MYO1E: variants seen among roughly 807,000 people sequenced by gnomAD.
MYO1E encodes the protein unconventional myosin-Ie.
A neutral mutation model predicts 151.1 loss-of-function variants in MYO1E; 68 were observed. That is an observed-to-expected ratio of 0.45 (90% CI 0.37 to 0.55). MYO1E has a LOEUF of 0.55. Among genes scored for constraint, MYO1E ranks in the 20% least tolerant of loss-of-function variants. The probability of loss-of-function intolerance (pLI) is 0.00; values close to 1 mark genes in which losing one functional copy is unlikely to be tolerated. For synonymous variants in MYO1E, 601 were observed against 501.7 expected (o/e 1.20, Z -2.64); for missense variants, 1,363 against 1,389.3 (o/e 0.98, Z 0.30).
intron 1 of MYO1E, among the ~76,000 whole-genome samples, chr15:59,312,955 C>T (rs1028333941): frequency 2.0e-4 from 31 of 152,106 alleles, no homozygotes; most frequent in Admixed American, 2.0e-4. Flanking sequence ...GCAGGAGAGT[C>T]GCTTGAACCC....
chr15:59,340,800 G>A (rs145602555), intron 1 of MYO1E, among the ~76,000 whole-genome samples: 1 of 151,848 alleles, frequency 6.6e-6, no homozygotes, highest in Non-Finnish European at 1.5e-5. Context: ...GAGGCGGGAG[G>A]ATCACGAGGT....
chr15:59,277,540 TC>T (rs796453184), intron 1 of MYO1E, among the ~76,000 whole-genome samples: 4 of 19,826 alleles, frequency 2.0e-4, no homozygotes, highest in African/African-American at 5.4e-4. Flanking sequence ...CAAGACTCCA[TC>T]CCCCCACAAA....
chr15:59,272,568 A>G lies in MYO1E; in HGVS notation c.4-119T>C. ...TAAAATGTAGCAGAAAGAGCAGTGC[A>G]GAGAAAGATTCTGCAATCAATAAGA... On this transcript the variant is annotated intron_variant, in intron 1 of 27. Transcript: ENST00000288235. 3 of 1,119,506 alleles carry G rather than the reference A, an allele frequency of 2.7e-6. 1 individual carries two copies. Among genetic ancestry groups the G allele is most frequent in the East Asian group, 5.1e-5 (2 of 39,120 alleles). The allele number at this position is 1,119,506 out of a possible 1,614,324, so 69.3% of individuals were successfully genotyped here. A position where few individuals can be genotyped will look rare whatever the true frequency, so the allele number is the denominator to read the frequency against.
intron 19 of MYO1E, among the ~76,000 whole-genome samples, chr15:59,176,778 G>T (rs2079627692): frequency 6.6e-6 from 1 of 152,134 alleles, no homozygotes; most frequent in South Asian, 2.1e-4. Flanking sequence ...GTCAACTTTT[G>T]TGAAAGTATT....
At chr15:59,211,966 G>A (rs2079881954) in intron 12 of MYO1E, among the ~76,000 whole-genome samples, 1 of 151,984 alleles carries the variant, frequency 6.6e-6, no homozygotes, top group South Asian at 2.1e-4. Flanking sequence ...TAGAGCCAGA[G>A]TGACCCTTTC....
intron 1 of MYO1E, among the ~76,000 whole-genome samples, chr15:59,301,011 G>A (rs1027038451): frequency 1.3e-5 from 2 of 151,822 alleles, no homozygotes; most frequent in East Asian, 3.9e-4. Context: ...GGGATTACAG[G>A]CACATGCCAC....
intron 1 of MYO1E, among the ~76,000 whole-genome samples, chr15:59,294,661 C>G (rs373660379): frequency 1.3e-5 from 2 of 152,154 alleles, no homozygotes; most frequent in Non-Finnish European, 2.9e-5. Flanking sequence ...CCCCACAGGA[C>G]GGGGGTTTGA....
chr15:59,171,883 C>G lies in MYO1E; in HGVS notation c.2480+14G>C. 6.2e-7 allele frequency: 1 copy of G among 1,614,162 alleles called. No individual in the cohort carries two copies. The highest frequency in any genetic ancestry group is 8.5e-7 in the Non-Finnish European group (1 of 1,180,012). ...GAGAAGGGGCAGTCCTGCCTCTGCA[C>G]CTCCACTACTCACCTGAGGGACACA... On this transcript the variant is annotated intron_variant, in intron 22 of 27. Transcript: ENST00000288235.
intron 1 of MYO1E, among the ~76,000 whole-genome samples, chr15:59,275,559 C>T (rs1405344800): frequency 6.6e-6 from 1 of 152,096 alleles, no homozygotes; most frequent in Non-Finnish European, 1.5e-5. Context: ...GTAAACTGCC[C>T]AAGGTTTTCT....
At chr15:59,286,725 A>G (rs1221787125) in intron 1 of MYO1E, among the ~76,000 whole-genome samples, 1 of 152,166 alleles carries the variant, frequency 6.6e-6, no homozygotes, top group Non-Finnish European at 1.5e-5. Flanking sequence ...AGAAGTGAGG[A>G]ATGCCTGTTT....
chr15:59,258,192 C>A (rs1292493616), intron 3 of MYO1E, among the ~76,000 whole-genome samples: 10 of 152,094 alleles, frequency 6.6e-5, no homozygotes, highest in African/African-American at 2.2e-4. Context: ...ACTAAAAACA[C>A]AAAAATTAGC....
chr15:59,203,384 C>CT (rs71119440), intron 15 of MYO1E, among the ~76,000 whole-genome samples: 71,397 of 144,392 alleles, frequency 0.49, 19,434 homozygotes, highest in Non-Finnish European at 0.65. Flanking sequence ...AATATACTTT[C>CT]TTTTTTTTTT....
Position 59,214,635 on chromosome 15 carries a change from C to G in MYO1E, c.1188+5G>C, listed in dbSNP as rs1277760158. 6.2e-7 allele frequency: 1 copy of G among 1,605,748 alleles called. No homozygotes were observed. The highest frequency in any genetic ancestry group is 8.5e-7 in the Non-Finnish European group (1 of 1,172,462). ...TCAACCCCTAGTTATTAAAACTGGC[C>G]TTACCTGGAATATTTCAAAGCCATA... is the stretch of plus-strand genomic sequence containing the variant. On this transcript the variant is annotated splice_donor_5th_base_variant and intron_variant, in intron 11 of 27. Transcript: ENST00000288235.
intron 4 of MYO1E, among the ~76,000 whole-genome samples, chr15:59,247,812 T>C (rs1019732416): frequency 1.3e-5 from 2 of 152,128 alleles, no homozygotes; most frequent in African/African-American, 2.4e-5. Flanking sequence ...GAAATACTTA[T>C]CCCTAGAAAG....
chr15:59,144,333 A>G (rs1406029116), intron 26 of MYO1E, among the ~76,000 whole-genome samples: 1 of 151,552 alleles, frequency 6.6e-6, no homozygotes, highest in Non-Finnish European at 1.5e-5. Flanking sequence ...CACCCAGCTA[A>G]TTTTTGTATT....
At chr15:59,362,976 CTTTTTTTTTTT>C (rs34810328) in intron 1 of MYO1E, among the ~76,000 whole-genome samples, 36 of 127,598 alleles carry the variant, frequency 2.8e-4, no homozygotes, top group Non-Finnish European at 3.8e-4. Context: ...GTATGACTTT[CTTTTTTTTTTT>C]TTTTTTGAGA....
rs182588800 is a variant in MYO1E at position 59,244,997 on chromosome 15, T to G, written c.333-8325A>C. 1.0e-3 allele frequency among the ~76,000 whole-genome samples: 153 copies of G among 152,300 alleles called. 1 individual carries two copies. The highest frequency in any genetic ancestry group is 3.5e-3 in the African/African-American group (146 of 41,566). On this transcript the variant is annotated intron_variant, in intron 4 of 27. Transcript: ENST00000288235. ...CAGGGTCAATCTAGGCCCTTGCTCT[T>G]CAGATTTACAGCCAGCGGCAGCCCC...
At chr15:59,187,600 T>C (rs536672159) in intron 18 of MYO1E, among the ~76,000 whole-genome samples, 1 of 152,170 alleles carries the variant, frequency 6.6e-6, no homozygotes, top group Non-Finnish European at 1.5e-5. Context: ...CCGAAAGAAA[T>C]GAAATATGAC....
At chr15:59,143,499 T>A (rs2079423173) in intron 26 of MYO1E, among the ~76,000 whole-genome samples, 1 of 152,144 alleles carries the variant, frequency 6.6e-6, no homozygotes, top group Non-Finnish European at 1.5e-5. Context: ...CGAGCCACAG[T>A]GAGAGCCATT....
Sources: gnomAD v4.1 joint callset for allele counts (sites outside exome capture counted in the v4.1 genomes callset) on GRCh38, gnomAD v4.1.1 for gene constraint, MANE v1.5 for transcripts, NCBI Gene and HGNC (gene_info 2026-07-23, HGNC 2026-07-21) for gene names.